KCNN2: variants seen among roughly 807,000 people sequenced by gnomAD.
KCNN2 encodes the protein potassium calcium-activated channel subfamily N member 2.
Under a neutral mutation model 55.5 loss-of-function variants are expected in KCNN2, and 24 were observed. The ratio of observed to expected loss-of-function variants is 0.43; its 90% confidence interval spans 0.31 to 0.61. KCNN2 has a LOEUF of 0.61. Among genes scored for constraint, KCNN2 ranks in the 20% least tolerant of loss-of-function variants. KCNN2 has a pLI of 0.08. For synonymous variants in KCNN2, 431 were observed against 336.1 expected (o/e 1.28, Z -3.09); for missense variants, 754 against 853.6 (o/e 0.88, Z 1.45).
intron 2 of KCNN2, among the ~76,000 whole-genome samples, chr5:114,273,987 T>C (rs1755427294): frequency 6.6e-6 from 1 of 152,182 alleles, no homozygotes; most frequent in Non-Finnish European, 1.5e-5. Flanking sequence ...TATGTTTAAG[T>C]CTTTAATCCA....
intron 4 of KCNN2, among the ~76,000 whole-genome samples, chr5:114,465,491 A>C (rs947492457): frequency 1.3e-5 from 2 of 152,126 alleles, no homozygotes; most frequent in Non-Finnish European, 2.9e-5. Context: ...ACATGCCTAT[A>C]ATCCCAGCTA....
chr5:114,140,742 C>A (rs1752260762), intron 1 of KCNN2, among the ~76,000 whole-genome samples: 4 of 148,014 alleles, frequency 2.7e-5, no homozygotes, highest in Admixed American at 2.1e-4. Flanking sequence ...TAGTCTATTG[C>A]AAAACATTAC....
intron 1 of KCNN2, among the ~76,000 whole-genome samples, chr5:114,206,914 C>G (rs957288867): frequency 8.5e-5 from 13 of 152,170 alleles, no homozygotes; most frequent in African/African-American, 2.4e-4. Flanking sequence ...GATTGACTAG[C>G]CTGCAAAATC....
At chr5:114,355,806 A>C (rs1487102712) in intron 2 of KCNN2, among the ~76,000 whole-genome samples, 1 of 152,178 alleles carries the variant, frequency 6.6e-6, no homozygotes. Context: ...AAAAATTAGG[A>C]ATCTACAGGC....
At chr5:114,099,154 A>G (rs2632111) in intron 1 of KCNN2, among the ~76,000 whole-genome samples, 28,693 of 152,116 alleles carry the variant, frequency 0.19, 2,868 homozygotes, top group African/African-American at 0.25. Flanking sequence ...ACCCTGAACT[A>G]CTGGAACCAC....
intron 1 of KCNN2, among the ~76,000 whole-genome samples, chr5:114,163,761 G>T (rs934585589): frequency 2.0e-5 from 3 of 152,104 alleles, no homozygotes; most frequent in Admixed American, 1.3e-4. Context: ...ATGGCTTTGA[G>T]ACAACCCATA....
Position 114,472,324 on chromosome 5 carries a change from CAG to C in KCNN2, c.1780-727_1780-726del, listed in dbSNP as rs1259365269. On this transcript the variant is annotated intron_variant, in intron 4 of 7. Coordinates refer to ENST00000673685, the MANE Select transcript of KCNN2 (RefSeq NM_021614.4). ...GGACTGTAATTCTTAGAGTACCACA[CAG>C]AGTCTCTTTTTCAAGAGATCAGAAC... Among the ~76,000 whole-genome samples, 9 of 152,326 alleles carry C rather than the reference CAG, an allele frequency of 5.9e-5. No individual in the cohort carries two copies. In the East Asian group the frequency reaches 7.7e-4, roughly 13 times the overall value.
At position 114,479,046 on chromosome 5, in the gene KCNN2, CAATAGT is replaced by C. The variant is rs563310798; in HGVS notation, c.1890+5885_1890+5890del. 3.1e-3 allele frequency among the ~76,000 whole-genome samples: 462 copies of C among 150,934 alleles called. 2 individuals are homozygous for C. The highest frequency in any genetic ancestry group is 0.011 in the African/African-American group (443 of 41,490). On this transcript the variant is annotated intron_variant, in intron 5 of 7. Transcript: ENST00000673685. ...ATGACAGGATCAAATTCACACAGAG[CAATAGT>C]AACCTTAAATTTAAATAGGCTGAAT...
At chr5:114,101,769 C>T (rs1022632340) in intron 1 of KCNN2, among the ~76,000 whole-genome samples, 1 of 151,998 alleles carries the variant, frequency 6.6e-6, no homozygotes, top group African/African-American at 2.4e-5. Flanking sequence ...TGAACTCATC[C>T]TTTTTATGGC....
At chr5:114,481,435 ACAAT>A (rs1459287225) in intron 5 of KCNN2, among the ~76,000 whole-genome samples, 3 of 152,126 alleles carry the variant, frequency 2.0e-5, no homozygotes, top group East Asian at 3.9e-4. Context: ...CTCATAGATA[ACAAT>A]CAATATCATG....
intron 2 of KCNN2, among the ~76,000 whole-genome samples, chr5:114,339,810 C>CAAATAAATAAAT: frequency 7.6e-6 from 1 of 132,372 alleles, no homozygotes; most frequent in African/African-American, 3.0e-5. Flanking sequence ...CACAAACAAA[C>CAAATAAATAAAT]AAACAAATAA....
intron 3 of KCNN2, among the ~76,000 whole-genome samples, chr5:114,440,070 C>T (rs1277493918): frequency 2.0e-5 from 3 of 152,042 alleles, no homozygotes; most frequent in African/African-American, 2.4e-5. Flanking sequence ...CACCCAACCA[C>T]CCAAGGCTGC....
chr5:114,290,703 T>A (rs903501853), intron 2 of KCNN2, among the ~76,000 whole-genome samples: 1 of 152,168 alleles, frequency 6.6e-6, no homozygotes, highest in African/African-American at 2.4e-5. Flanking sequence ...CAGCCTTGCA[T>A]AGAAATAGAG....
chr5:114,486,946 C>A, intron 5 of KCNN2, 104 bp from the exon 6 acceptor site: 1 of 1,375,802 alleles, frequency 7.3e-7, no homozygotes, highest in Non-Finnish European at 1.0e-6. Context: ...CTAAATGAAG[C>A]TACAGCTCAC....
chr5:114,231,923 G>A (rs908564455), intron 2 of KCNN2, among the ~76,000 whole-genome samples: 1 of 150,402 alleles, frequency 6.6e-6, no homozygotes, highest in Admixed American at 6.6e-5. Flanking sequence ...TGGGATAATT[G>A]GATTGGAGGC....
At chr5:114,491,877 G>T (rs1168688065) in intron 6 of KCNN2, among the ~76,000 whole-genome samples, 4 of 152,070 alleles carry the variant, frequency 2.6e-5, no homozygotes, top group Non-Finnish European at 5.9e-5. Context: ...GGTGGGGGCA[G>T]TTGCCTGTTT....
chr5:114,361,194 G>T (rs942526215), upstream of KCNN2: 1 of 152,234 alleles, frequency 6.6e-6, no homozygotes, highest in African/African-American at 2.4e-5. Flanking sequence ...CCCGCCAGGG[G>T]GGACCCGGGA....
At chr5:114,347,396 T>G (rs1297921772) in intron 2 of KCNN2, among the ~76,000 whole-genome samples, 1 of 152,230 alleles carries the variant, frequency 6.6e-6, no homozygotes, top group East Asian at 1.9e-4. Context: ...ACTCATCAAT[T>G]ACATCAGATT....
chr5:114,393,397 T>C (rs1476076397), intron 2 of KCNN2, among the ~76,000 whole-genome samples: 1 of 152,186 alleles, frequency 6.6e-6, no homozygotes, highest in East Asian at 1.9e-4. Flanking sequence ...CTGTGTACAC[T>C]GTCATTCAGA....
Sources: allele counts gnomAD v4.1 joint callset (sites outside exome capture counted in the v4.1 genomes callset), GRCh38; gene constraint gnomAD v4.1.1; transcripts MANE v1.5; gene names NCBI Gene and HGNC (gene_info 2026-07-23, HGNC 2026-07-21).